Variants in CNTN5 observed in about 807,000 individuals in gnomAD.
CNTN5 encodes the protein contactin 5.
CNTN5 carries 77 observed loss-of-function variants against 129.1 expected under a neutral mutation model. That is an observed-to-expected ratio of 0.60 (90% CI 0.50 to 0.72). The LOEUF is 0.72. CNTN5 is among the 30% of genes least tolerant of loss of function. The pLI, the probability that CNTN5 is intolerant of heterozygous loss-of-function variation, is 0.00. For synonymous variants in CNTN5, 509 were observed against 465.6 expected (o/e 1.09, Z -1.20); for missense variants, 1,478 against 1,328.8 (o/e 1.11, Z -1.75).
intron 3 of CNTN5, among the ~76,000 whole-genome samples, chr11:99,734,667 G>C (rs1490984355): frequency 6.6e-6 from 1 of 151,950 alleles, no homozygotes; most frequent in Non-Finnish European, 1.5e-5. Flanking sequence ...CCCAGCCAAA[G>C]AGGGTGTGTC....
intron 2 of CNTN5, among the ~76,000 whole-genome samples, chr11:99,379,043 T>C (rs1343535360): frequency 6.6e-6 from 1 of 152,064 alleles, no homozygotes; most frequent in Non-Finnish European, 1.5e-5. Flanking sequence ...CTCATCTCTA[T>C]GCCTATTGCC....
chr11:99,738,019 CA>C (rs1163960769), intron 3 of CNTN5, among the ~76,000 whole-genome samples: 2 of 152,224 alleles, frequency 1.3e-5, no homozygotes, highest in East Asian at 3.9e-4. Flanking sequence ...TAGAACTAAA[CA>C]GAAAACGTCT....
chr11:100,097,104 A>G (rs1330422299), intron 13 of CNTN5, among the ~76,000 whole-genome samples: 1 of 152,180 alleles, frequency 6.6e-6, no homozygotes, highest in Non-Finnish European at 1.5e-5. Context: ...AACCGTTGAG[A>G]TATTATAGAA....
At chr11:99,516,393 C>T (rs1049441682) in intron 2 of CNTN5, among the ~76,000 whole-genome samples, 5 of 151,910 alleles carry the variant, frequency 3.3e-5, no homozygotes, top group African/African-American at 4.8e-5. Flanking sequence ...TAAGAGAAAA[C>T]GAACTCCATA....
At chr11:100,096,686 A>G (rs531915143) in intron 13 of CNTN5, among the ~76,000 whole-genome samples, 1 of 152,132 alleles carries the variant, frequency 6.6e-6, no homozygotes, top group Non-Finnish European at 1.5e-5. Flanking sequence ...CACCTACACT[A>G]GAATGTAGTC....
chr11:99,355,333 G>A (rs575122304), intron 2 of CNTN5, among the ~76,000 whole-genome samples: 27 of 152,258 alleles, frequency 1.8e-4, no homozygotes, highest in African/African-American at 6.5e-4. Context: ...TAAACAATGA[G>A]TAAATATATA....
At chr11:99,674,959 T>A (rs895388288) in intron 3 of CNTN5, among the ~76,000 whole-genome samples, 1 of 152,168 alleles carries the variant, frequency 6.6e-6, no homozygotes, top group African/African-American at 2.4e-5. Flanking sequence ...TACTGGATTA[T>A]GATCCTTCTT....
At chr11:99,430,385 G>T (rs1045988658) in intron 2 of CNTN5, among the ~76,000 whole-genome samples, 2 of 142,458 alleles carry the variant, frequency 1.4e-5, no homozygotes, top group Non-Finnish European at 3.1e-5. Context: ...ACGCATGTGT[G>T]TATATACATA....
At chr11:99,936,009 T>G (rs1349187369) in intron 7 of CNTN5, among the ~76,000 whole-genome samples, 2 of 152,206 alleles carry the variant, frequency 1.3e-5, no homozygotes, top group Non-Finnish European at 2.9e-5. Context: ...TCTTCCTGTC[T>G]ACTTTTACGT....
intron 7 of CNTN5, among the ~76,000 whole-genome samples, chr11:99,924,130 G>A (rs1426081284): frequency 6.6e-6 from 1 of 152,126 alleles, no homozygotes; most frequent in African/African-American, 2.4e-5. Flanking sequence ...AGCCATTCTG[G>A]CTGGTATAAG....
chr11:99,042,166 C>T (rs1054531111), intron 1 of CNTN5, among the ~76,000 whole-genome samples: 3 of 151,886 alleles, frequency 2.0e-5, no homozygotes, highest in African/African-American at 7.3e-5. Context: ...CCACAGCATA[C>T]CTCCCTTCTT....
At chr11:99,290,183 TCATGTAACC>T (rs1361572689) in intron 1 of CNTN5, among the ~76,000 whole-genome samples, 1 of 151,782 alleles carries the variant, frequency 6.6e-6, no homozygotes, top group African/African-American at 2.4e-5. Context: ...TTTATTTAGT[TCATGTAACC>T]CTCACAAAAT....
At chr11:100,161,562 T>TAATC (rs1417606846) in intron 13 of CNTN5, among the ~76,000 whole-genome samples, 8 of 151,998 alleles carry the variant, frequency 5.3e-5, no homozygotes, top group Middle Eastern at 3.4e-3. Flanking sequence ...AGAGAATGTC[T>TAATC]AATCAGAGAC....
chr11:99,919,847 GT>G (rs1949892117), intron 7 of CNTN5, among the ~76,000 whole-genome samples: 1 of 132,594 alleles, frequency 7.5e-6, no homozygotes, highest in African/African-American at 3.0e-5. Flanking sequence ...TTTAAGACAT[GT>G]TTTTGCCATG....
intron 7 of CNTN5, among the ~76,000 whole-genome samples, chr11:99,916,979 A>G (rs1197164028): frequency 2.0e-5 from 3 of 152,038 alleles, no homozygotes; most frequent in South Asian, 2.1e-4. Flanking sequence ...AGTGATGGCC[A>G]TATTTGTTTC....
chr11:99,247,692 A>T (rs1861885133), intron 1 of CNTN5, among the ~76,000 whole-genome samples: 1 of 151,644 alleles, frequency 6.6e-6, no homozygotes, highest in South Asian at 2.1e-4. Context: ...ATTCCCACCT[A>T]TCAGTGAGAA....
At chr11:99,147,987 T>A (rs1859868273) in intron 1 of CNTN5, among the ~76,000 whole-genome samples, 1 of 152,066 alleles carries the variant, frequency 6.6e-6, no homozygotes, top group Admixed American at 6.6e-5. Flanking sequence ...TGGAATAACT[T>A]TCCAGCCATT....
At chr11:99,353,687 A>C (rs966431648) in intron 2 of CNTN5, among the ~76,000 whole-genome samples, 1 of 152,202 alleles carries the variant, frequency 6.6e-6, no homozygotes, top group Non-Finnish European at 1.5e-5. Flanking sequence ...GAGGATAGCC[A>C]GGACTACCAA....
At chr11:99,301,236 C>A (rs1294343470) in intron 1 of CNTN5, among the ~76,000 whole-genome samples, 2 of 151,056 alleles carry the variant, frequency 1.3e-5, no homozygotes, top group African/African-American at 4.9e-5. Flanking sequence ...AGATTCAAAT[C>A]CTACGTTATG....
Sources: gnomAD v4.1 joint callset for allele counts (sites outside exome capture counted in the v4.1 genomes callset) on GRCh38, gnomAD v4.1.1 for gene constraint, MANE v1.5 for transcripts, NCBI Gene and HGNC (gene_info 2026-07-23, HGNC 2026-07-21) for gene names.